The following AFAP1 variants were observed in gnomAD, a reference collection of about 807,000 sequenced individuals.
AFAP1 encodes actin filament associated protein 1.
A neutral mutation model predicts 93.9 loss-of-function variants in AFAP1; 75 were observed. The observed-to-expected ratio is 0.80, with a 90% confidence interval of 0.66 to 0.97. The LOEUF is 0.97. Among genes scored for constraint, AFAP1 ranks in the 50% least tolerant of loss-of-function variants. The pLI is 0.00. For synonymous variants in AFAP1, 517 were observed against 430.7 expected, an observed-to-expected ratio of 1.20 and a Z score of -2.48; for missense variants, 1,201 against 1,050.8, an observed-to-expected ratio of 1.14 and a Z score of -1.98.
chr4:7,882,155 T>A (rs1467121465), intron 1 of AFAP1, among the ~76,000 whole-genome samples: 1 of 152,146 alleles, frequency 6.6e-6, no homozygotes, highest in Non-Finnish European at 1.5e-5. Context: ...AGAAAAGTCA[T>A]GACACACTCC....
intron 1 of AFAP1, among the ~76,000 whole-genome samples, chr4:7,898,300 C>T (rs970803746): frequency 2.0e-5 from 3 of 151,932 alleles, no homozygotes; most frequent in African/African-American, 7.3e-5. Context: ...CCCAGCTATT[C>T]GGGAGGCTGA....
chr4:7,759,867 A>G lies in AFAP1; in HGVS notation c.*3898T>C, dbSNP rs2148923433. The G allele has an allele frequency of 6.6e-6, 1 of 152,390 alleles. No individual in the cohort carries two copies. 9.4% of individuals were successfully genotyped at this position (152,390 alleles called of 1,614,324 possible). A position where few individuals can be genotyped will look rare whatever the true frequency, so the allele number is the denominator to read the frequency against. ...GTGGCACAAGGTGCCTTTTCTCTGG[A>G]TGGCAGTCGCCGGCCACACTGCAGG... On this transcript the variant is annotated 3_prime_UTR_variant, in exon 18 of 18. Coordinates refer to ENST00000420658, the MANE Select transcript of AFAP1 (RefSeq NM_001134647.2).
At chr4:7,830,007 G>T (rs527416041) in intron 6 of AFAP1, among the ~76,000 whole-genome samples, 1 of 152,106 alleles carries the variant, frequency 6.6e-6, no homozygotes, top group Non-Finnish European at 1.5e-5. Flanking sequence ...TTGAAGTATG[G>T]TCTATTCATA....
intron 17 of AFAP1, among the ~76,000 whole-genome samples, chr4:7,768,027 G>T (rs541302929): frequency 6.6e-6 from 1 of 152,356 alleles, no homozygotes; most frequent in African/African-American, 2.4e-5. Context: ...GGTGAGCTGT[G>T]ATGGCACCAC....
At chr4:7,771,163 A>C (rs1165213892) in intron 16 of AFAP1, among the ~76,000 whole-genome samples, 10 of 152,260 alleles carry the variant, frequency 6.6e-5, no homozygotes, top group Admixed American at 6.5e-4. Flanking sequence ...TCCATGAAAC[A>C]GGGATTCTCA....
chr4:7,845,051 A>G (rs1222948860), intron 4 of AFAP1, among the ~76,000 whole-genome samples: 1 of 152,224 alleles, frequency 6.6e-6, no homozygotes, highest in Non-Finnish European at 1.5e-5. Flanking sequence ...TTGCCTTATA[A>G]TTTCCTTGCA....
intron 6 of AFAP1, among the ~76,000 whole-genome samples, chr4:7,836,593 C>T (rs767468531): frequency 1.2e-4 from 19 of 152,268 alleles, no homozygotes; most frequent in East Asian, 3.9e-4. Context: ...ACTACAGGAA[C>T]GTGTCACCAT....
At chr4:7,897,184 G>T (rs1718828094) in intron 1 of AFAP1, among the ~76,000 whole-genome samples, 1 of 152,026 alleles carries the variant, frequency 6.6e-6, no homozygotes, top group Non-Finnish European at 1.5e-5. Context: ...TCTTACAGAG[G>T]GTCAAAGAGG....
intron 1 of AFAP1, among the ~76,000 whole-genome samples, chr4:7,900,867 T>C (rs945524387): frequency 1.1e-4 from 17 of 152,172 alleles, no homozygotes; most frequent in African/African-American, 3.9e-4. Context: ...TTTAAAGAAA[T>C]AGGTCAAGAA....
intron 1 of AFAP1, among the ~76,000 whole-genome samples, chr4:7,872,987 C>T (rs1038604559): frequency 1.4e-5 from 2 of 145,556 alleles, no homozygotes; most frequent in South Asian, 2.2e-4. Flanking sequence ...CGGTGGCTCA[C>T]GTCTGTAATC....
At chr4:7,827,768 A>C (rs1408599445) in intron 6 of AFAP1, among the ~76,000 whole-genome samples, 2 of 151,766 alleles carry the variant, frequency 1.3e-5, no homozygotes, top group Non-Finnish European at 1.5e-5. Context: ...TGTGGAGAAC[A>C]AATCTTAAGA....
At chr4:7,780,524 C>T (rs1329838744) in intron 13 of AFAP1, among the ~76,000 whole-genome samples, 2 of 152,164 alleles carry the variant, frequency 1.3e-5, no homozygotes, top group East Asian at 1.9e-4. Flanking sequence ...GTTAAATATG[C>T]ATGATAAGCT....
At chr4:7,797,762 C>T (rs1405910779) in intron 10 of AFAP1, among the ~76,000 whole-genome samples, 3 of 152,212 alleles carry the variant, frequency 2.0e-5, no homozygotes, top group Admixed American at 2.0e-4. Flanking sequence ...GATCATATTA[C>T]ACTGTGGTTC....
chr4:7,792,794 A>G (rs1208001725), intron 11 of AFAP1, among the ~76,000 whole-genome samples: 1 of 149,210 alleles, frequency 6.7e-6, no homozygotes, highest in African/African-American at 2.4e-5. Flanking sequence ...AGAAAAAGTC[A>G]TCATTTTTAC....
chr4:7,871,125 C>T (rs1361220237), intron 2 of AFAP1, among the ~76,000 whole-genome samples: 2 of 152,178 alleles, frequency 1.3e-5, no homozygotes, highest in African/African-American at 2.4e-5. Flanking sequence ...ATGCTCTCCA[C>T]AGCAGCACTT....
chr4:7,929,492 C>T (rs187734168), intron 1 of AFAP1, among the ~76,000 whole-genome samples: 1 of 152,352 alleles, frequency 6.6e-6, no homozygotes, highest in Non-Finnish European at 1.5e-5. Flanking sequence ...AAAGCCTCAG[C>T]TGCTCGGTTC....
At chr4:7,833,190 A>G (rs1711837203) in intron 6 of AFAP1, among the ~76,000 whole-genome samples, 1 of 152,204 alleles carries the variant, frequency 6.6e-6, no homozygotes, top group Non-Finnish European at 1.5e-5. Context: ...TCATGGCAAA[A>G]CCAGTCAGCA....
chr4:7,906,871 G>T lies in AFAP1; in HGVS notation c.-3+32785C>A, dbSNP rs182845865. 8.0e-4 allele frequency among the ~76,000 whole-genome samples: 122 copies of T among 152,122 alleles called. 4 individuals carry two copies. The East Asian group carries it at 0.023, about 28-fold the overall frequency. ...CCCCATCTCTACTAAGAATGCTGGCGGGCGCCTGTAATCCCAGCTATTCGG... is the reference window on the plus strand; with the variant it reads ...CCCCATCTCTACTAAGAATGCTGGCTGGCGCCTGTAATCCCAGCTATTCGG... On this transcript the variant is annotated intron_variant, in intron 1 of 17. Transcript: ENST00000420658.
chr4:7,795,792 A>G (rs1718365263), intron 10 of AFAP1, among the ~76,000 whole-genome samples: 2 of 152,168 alleles, frequency 1.3e-5, no homozygotes, highest in South Asian at 4.1e-4. Flanking sequence ...CATTTTAAAA[A>G]TGTTTTAATA....
Sources: gnomAD v4.1 joint callset for allele counts (sites outside exome capture counted in the v4.1 genomes callset) on GRCh38, gnomAD v4.1.1 for gene constraint, MANE v1.5 for transcripts, NCBI Gene and HGNC (gene_info 2026-07-23, HGNC 2026-07-21) for gene names.